The following CHD9 variants were observed in gnomAD, a reference collection of about 807,000 sequenced individuals.
CHD9 encodes chromodomain helicase DNA binding protein 9.
CHD9 carries 77 observed loss-of-function variants against 316.1 expected under a neutral mutation model. The observed-to-expected ratio is 0.24, with a 90% CI of 0.20 to 0.29. The LOEUF (loss-of-function observed/expected upper bound fraction) is 0.29, where lower values mean the gene tolerates loss of function less well. Among genes scored for constraint, CHD9 ranks in the 10% least tolerant of loss-of-function variants. CHD9 has a pLI of 1.00. For missense variants in CHD9, 2,763 were observed against 3,438.1 expected, an observed-to-expected ratio of 0.80 and a Z score of 4.91; for synonymous variants, 1,129 against 1,158.3, an observed-to-expected ratio of 0.97 and a Z score of 0.51.
At chr16:53,264,739 A>C (rs768050111) in intron 20 of CHD9, among the ~76,000 whole-genome samples, 20 of 152,172 alleles carry the variant, frequency 1.3e-4, no homozygotes, top group Non-Finnish European at 2.8e-4. Flanking sequence ...CGGAGACTTG[A>C]ATGAAGAGAA....
chr16:53,167,040 C>A (rs1349512156), intron 2 of CHD9, among the ~76,000 whole-genome samples: 1 of 152,108 alleles, frequency 6.6e-6, no homozygotes, highest in Admixed American at 6.6e-5. Flanking sequence ...TTTCATAGAT[C>A]AAACTGTGTA....
At chr16:53,231,923 C>A in intron 10 of CHD9, 139 bp downstream of exon 10, 1 of 803,578 alleles carries the variant, frequency 1.2e-6, no homozygotes, top group Non-Finnish European at 1.9e-6. Context: ...TTTTGGGAGC[C>A]AAAGCTTAAG....
chr16:53,324,017 C>T lies in CHD9; in HGVS notation c.7819-3C>T, dbSNP rs760780765. The T allele has an allele frequency of 1.3e-6, 2 of 1,593,448 alleles. No homozygotes were observed. The highest frequency in any genetic ancestry group is 1.7e-6 in the Non-Finnish European group (2 of 1,165,050). On this transcript the variant is annotated splice_region_variant and splice_polypyrimidine_tract_variant and intron_variant, in intron 38 of 38. Transcript: ENST00000447540. ...ATTATTAATGAATATATATTTCTTC[C>T]AGGGATTTCTTCCAGAAAGCATGTA...
At chr16:53,131,641 C>T (rs1400176872) in intron 1 of CHD9, among the ~76,000 whole-genome samples, 7 of 151,798 alleles carry the variant, frequency 4.6e-5, no homozygotes, top group Non-Finnish European at 1.0e-4. Flanking sequence ...TTCCCCGTCC[C>T]GCGCGAGGTC....
chr16:53,141,883 T>C (rs1190877739), intron 1 of CHD9, among the ~76,000 whole-genome samples: 1 of 152,152 alleles, frequency 6.6e-6, no homozygotes, highest in Non-Finnish European at 1.5e-5. Context: ...GAAAGGGTGA[T>C]GTTGTAGGCA....
intron 1 of CHD9, among the ~76,000 whole-genome samples, chr16:53,153,925 A>G (rs1338528591): frequency 6.6e-6 from 1 of 152,216 alleles, no homozygotes; most frequent in Non-Finnish European, 1.5e-5. Context: ...TTATTCTGGC[A>G]TGTGAGTATC....
At chr16:53,139,461 G>C (rs1437599164) in intron 1 of CHD9, among the ~76,000 whole-genome samples, 1 of 152,158 alleles carries the variant, frequency 6.6e-6, no homozygotes, top group Non-Finnish European at 1.5e-5. Context: ...TAAAATTACA[G>C]TGGTGATGGT....
intron 2 of CHD9, among the ~76,000 whole-genome samples, chr16:53,177,660 A>G (rs1336527446): frequency 1.3e-5 from 2 of 152,148 alleles, no homozygotes; most frequent in Admixed American, 6.5e-5. Context: ...ATTTTTATGC[A>G]GTCTTACTCC....
chr16:53,142,345 G>A (rs532843055), intron 1 of CHD9, among the ~76,000 whole-genome samples: 1 of 152,210 alleles, frequency 6.6e-6, no homozygotes, highest in African/African-American at 2.4e-5. Context: ...CAAGAGATCC[G>A]CCTGCCTTGC....
At chr16:53,167,931 T>G (rs2042385511) in intron 2 of CHD9, among the ~76,000 whole-genome samples, 1 of 152,128 alleles carries the variant, frequency 6.6e-6, no homozygotes, top group African/African-American at 2.4e-5. Context: ...TAGGATAAAT[T>G]TCCTAGGATT....
chr16:53,120,993 C>G (rs1188488281), intron 1 of CHD9, among the ~76,000 whole-genome samples: 1 of 152,126 alleles, frequency 6.6e-6, no homozygotes, highest in Non-Finnish European at 1.5e-5. Context: ...GTGACAGAGC[C>G]AGACTCTTGT....
chr16:53,090,813 G>T lies in CHD9; in HGVS notation c.-165+35736G>T, dbSNP rs943582613. Reference sequence around the variant, plus strand: ...GGTGGCAGACATCCTTTTCACAGTGGTGAGTGCCACCCCACCCCAACCCCC... The same window carrying T: ...GGTGGCAGACATCCTTTTCACAGTGTTGAGTGCCACCCCACCCCAACCCCC... On this transcript the variant is annotated intron_variant, in intron 1 of 38. Coordinates refer to ENST00000447540, the MANE Select transcript of CHD9 (RefSeq NM_001308319.2). Among the ~76,000 whole-genome samples the T allele has an allele frequency of 2.6e-5, 4 of 152,258 alleles. 1 individual carries two copies. The highest frequency in any genetic ancestry group is 4.2e-4 in the South Asian group (2 of 4,816).
At chr16:53,229,935 AGAGT>A (rs1357255748) in intron 8 of CHD9, among the ~76,000 whole-genome samples, 1 of 152,154 alleles carries the variant, frequency 6.6e-6, no homozygotes, top group Non-Finnish European at 1.5e-5. Flanking sequence ...TAACAAAAAG[AGAGT>A]GTGTATGTGT....
At chr16:53,275,039 T>G (rs2058674) in intron 24 of CHD9, among the ~76,000 whole-genome samples, 34,015 of 151,970 alleles carry the variant, frequency 0.22, 4,082 homozygotes, top group Middle Eastern at 0.29. Flanking sequence ...GTTTGTTTAT[T>G]TATTTATTTT....
intron 37 of CHD9, among the ~76,000 whole-genome samples, chr16:53,318,654 A>G (rs2057055393): frequency 6.6e-6 from 1 of 152,208 alleles, no homozygotes; most frequent in South Asian, 2.1e-4. Flanking sequence ...TTCACCTCTC[A>G]AGGAATATTT....
At chr16:53,234,496 G>A (rs1352649650) in intron 10 of CHD9, among the ~76,000 whole-genome samples, 1 of 152,152 alleles carries the variant, frequency 6.6e-6, no homozygotes, top group Non-Finnish European at 1.5e-5. Context: ...GTTTAAGGAA[G>A]TTCCCTTCTA....
chr16:53,245,195 T>C lies in CHD9; in HGVS notation c.3055-141T>C, dbSNP rs565195442. The C allele has an allele frequency of 5.9e-4, 292 of 498,448 alleles. 2 individuals carry two copies. In the East Asian group the frequency reaches 8.9e-3, roughly 15 times the overall value. 30.9% of individuals were successfully genotyped at this position (498,448 alleles called of 1,614,324 possible). A position where few individuals can be genotyped will look rare whatever the true frequency, so the allele number is the denominator to read the frequency against. ...AAACAAACAAACAAATATATATATA[T>C]ACACACACACACACATAACATATAT... On this transcript the variant is annotated intron_variant, in intron 13 of 38. Transcript: ENST00000447540. This position sits in a 1 kb window ranked among gnomAD's most constrained non-coding sequence, Gnocchi z 4.1.
chr16:53,135,277 T>TAG (rs1246465341), intron 1 of CHD9, among the ~76,000 whole-genome samples: 5 of 152,158 alleles, frequency 3.3e-5, no homozygotes, highest in African/African-American at 1.2e-4. Context: ...ATTAAAGACT[T>TAG]ACAGGTTTTA....
At chr16:53,171,702 T>C (rs983794658) in intron 2 of CHD9, among the ~76,000 whole-genome samples, 10 of 151,008 alleles carry the variant, frequency 6.6e-5, no homozygotes, top group African/African-American at 2.2e-4. Flanking sequence ...TACCAAAAAA[T>C]GTAGCCAAGT....
Sources: allele counts gnomAD v4.1 joint callset (sites outside exome capture counted in the v4.1 genomes callset), GRCh38; gene constraint gnomAD v4.1.1; non-coding constraint Gnocchi (gnomAD v3.1); transcripts MANE v1.5; gene names NCBI Gene and HGNC (gene_info 2026-07-23, HGNC 2026-07-21).